SPAST: variants seen among roughly 807,000 people sequenced by gnomAD.
The protein encoded by SPAST is spastin.
A neutral mutation model predicts 76.6 loss-of-function variants in SPAST; 30 were observed. The observed-to-expected ratio is 0.39, with a 90% CI of 0.29 to 0.53. The LOEUF (loss-of-function observed/expected upper bound fraction) is 0.53. Among genes scored for constraint, SPAST ranks in the 20% least tolerant of loss-of-function variants. SPAST has a pLI of 0.68. For missense variants in SPAST, 717 were observed against 770.5 expected (o/e 0.93, Z 0.82); for synonymous variants, 305 against 281.0 (o/e 1.09, Z -0.86).
intron 2 of SPAST, among the ~76,000 whole-genome samples, chr2:32,089,015 G>A (rs958483378): frequency 1.3e-5 from 2 of 151,960 alleles, no homozygotes; most frequent in Admixed American, 1.3e-4. Flanking sequence ...AAATACCACA[G>A]TAGGTTGGAA....
Position 32,128,500 on chromosome 2 carries a change from A to T in SPAST, c.1245+21A>T, listed in dbSNP as rs375384012. On this transcript the variant is annotated intron_variant, in intron 9 of 16. Coordinates refer to ENST00000315285, the MANE Select transcript of SPAST (RefSeq NM_014946.4). ...AATACGTGAGTGCTCTGTTTCCAAT[A>T]TTGTCGTATTTTAAGTTACTGTCTA... 4.1e-5 allele frequency: 61 copies of T among 1,486,810 alleles called. 1 individual carries two copies. The South Asian group carries it at 6.5e-4, about 16-fold the overall frequency. The allele number at this position is 1,486,810 out of a possible 1,614,324, so 92.1% of individuals were successfully genotyped here.
chr2:32,125,515 G>A (rs138225823), intron 7 of SPAST, among the ~76,000 whole-genome samples: 239 of 151,766 alleles, frequency 1.6e-3, no homozygotes, highest in Non-Finnish European at 2.2e-3. Context: ...GAGCCACTGC[G>A]CCCAGCAGGT....
At chr2:32,099,574 C>T (rs1678043515) in intron 4 of SPAST, among the ~76,000 whole-genome samples, 2 of 151,970 alleles carry the variant, frequency 1.3e-5, no homozygotes, top group African/African-American at 4.8e-5. Flanking sequence ...TCATGGGGTA[C>T]ACAGTGATGT....
At chr2:32,118,067 A>G (rs538371828) in intron 7 of SPAST, among the ~76,000 whole-genome samples, 1 of 152,332 alleles carries the variant, frequency 6.6e-6, no homozygotes, top group South Asian at 2.1e-4. Flanking sequence ...ATTGCAAAAA[A>G]TAAATCTGAA....
chr2:32,126,031 G>A (rs1314869662), intron 7 of SPAST, among the ~76,000 whole-genome samples: 1 of 151,990 alleles, frequency 6.6e-6, no homozygotes, highest in Admixed American at 6.6e-5. Flanking sequence ...TCCTGACCTC[G>A]TGATCCGCCC....
intron 15 of SPAST, among the ~76,000 whole-genome samples, chr2:32,146,028 T>TA (rs1679875248): frequency 6.6e-6 from 1 of 152,176 alleles, no homozygotes; most frequent in Non-Finnish European, 1.5e-5. Flanking sequence ...ACACCTCCCG[T>TA]AGTGAAATAG....
intron 5 of SPAST, 104 bp from the exon 6 acceptor site, chr2:32,115,598 T>C: frequency 1.2e-6 from 1 of 849,496 alleles, no homozygotes; most frequent in Non-Finnish European, 1.9e-6. Flanking sequence ...ATACCCTTTT[T>C]CCTATTTTTA....
chr2:32,101,709 C>T (rs1678132440), intron 4 of SPAST, among the ~76,000 whole-genome samples: 1 of 152,186 alleles, frequency 6.6e-6, no homozygotes, highest in African/African-American at 2.4e-5. Flanking sequence ...CCAGTTTTCC[C>T]AGCACCATTT....
chr2:32,094,263 G>T (rs1677836939), intron 3 of SPAST, among the ~76,000 whole-genome samples: 1 of 151,978 alleles, frequency 6.6e-6, no homozygotes, highest in Admixed American at 6.6e-5. Context: ...TTATCACCCA[G>T]GCCAGAGTGC....
At chr2:32,131,039 T>C (rs1679354180) in intron 9 of SPAST, among the ~76,000 whole-genome samples, 2 of 152,344 alleles carry the variant, frequency 1.3e-5, no homozygotes, top group South Asian at 4.1e-4. Flanking sequence ...GTTATGGCAT[T>C]GGACTAAAGT....
intron 1 of SPAST, among the ~76,000 whole-genome samples, chr2:32,086,734 G>A (rs1277221381): frequency 6.6e-6 from 1 of 151,768 alleles, no homozygotes; most frequent in Non-Finnish European, 1.5e-5. Flanking sequence ...CTCCAGCCTA[G>A]GTGACAGAGC....
At chr2:32,118,600 G>T (rs4952248) in intron 7 of SPAST, among the ~76,000 whole-genome samples, 1 of 151,542 alleles carries the variant, frequency 6.6e-6, no homozygotes, top group Admixed American at 6.6e-5. Flanking sequence ...TTACATAATT[G>T]TAGACCTGAA....
intron 13 of SPAST, among the ~76,000 whole-genome samples, chr2:32,142,654 C>T (rs1679757284): frequency 6.6e-6 from 1 of 152,054 alleles, no homozygotes; most frequent in Non-Finnish European, 1.5e-5. Context: ...CCTCAGCCTC[C>T]CAAAGTGCTG....
intron 14 of SPAST, among the ~76,000 whole-genome samples, chr2:32,143,834 G>A (rs897528730): frequency 6.6e-6 from 1 of 152,072 alleles, no homozygotes; most frequent in Non-Finnish European, 1.5e-5. Context: ...AGCCCGGGAG[G>A]TGGAGGTTGA....
intron 1 of SPAST, among the ~76,000 whole-genome samples, chr2:32,065,820 C>T (rs1465616152): frequency 1.3e-5 from 2 of 152,090 alleles, no homozygotes; most frequent in Non-Finnish European, 2.9e-5. Flanking sequence ...TTTGTGGGGC[C>T]TGGGAGTGGG....
At chr2:32,081,467 G>C (rs1677219571) in intron 1 of SPAST, among the ~76,000 whole-genome samples, 1 of 152,118 alleles carries the variant, frequency 6.6e-6, no homozygotes, top group Admixed American at 6.6e-5. Flanking sequence ...TCCTGGGCAT[G>C]CTCTGAAATT....
chr2:32,102,001 A>G (rs532830738), intron 4 of SPAST, among the ~76,000 whole-genome samples: 21 of 152,216 alleles, frequency 1.4e-4, no homozygotes, highest in African/African-American at 4.3e-4. Context: ...GTTTTTTCCA[A>G]TTCTGTGAAG....
At chr2:32,101,500 C>A (rs1230717574) in intron 4 of SPAST, among the ~76,000 whole-genome samples, 1 of 152,134 alleles carries the variant, frequency 6.6e-6, no homozygotes, top group Non-Finnish European at 1.5e-5. Context: ...GCTTTTGTTG[C>A]CATTGCTTTT....
At chr2:32,120,192 C>T (rs1351564314) in intron 7 of SPAST, among the ~76,000 whole-genome samples, 1 of 152,074 alleles carries the variant, frequency 6.6e-6, no homozygotes, top group African/African-American at 2.4e-5. Flanking sequence ...AGCCTTTCTT[C>T]TTTCAAAAAT....
Sources: allele counts gnomAD v4.1 joint callset (sites outside exome capture counted in the v4.1 genomes callset), GRCh38; gene constraint gnomAD v4.1.1; transcripts MANE v1.5; gene names NCBI Gene and HGNC (gene_info 2026-07-23, HGNC 2026-07-21).